OSBP2: variants seen among roughly 807,000 people sequenced by gnomAD.
OSBP2 encodes oxysterol binding protein 2, also known as oxysterol-binding protein 2.
OSBP2 carries 66 observed loss-of-function variants against 96.0 expected under a neutral mutation model. The observed-to-expected ratio is 0.69, with a 90% CI of 0.56 to 0.84. The LOEUF (loss-of-function observed/expected upper bound fraction) is 0.84. Ranked by LOEUF, OSBP2 falls within the 40% of genes least tolerant of loss-of-function variation. The probability of loss-of-function intolerance (pLI) is 0.00; values close to 1 mark genes in which losing one functional copy is unlikely to be tolerated. For missense variants in OSBP2, 1,038 were observed against 1,222.7 expected (o/e 0.85, Z 2.25); for synonymous variants, 525 against 520.9 (o/e 1.01, Z -0.11).
At chr22:30,819,988 T>C (rs982400533) in intron 2 of OSBP2, among the ~76,000 whole-genome samples, 2 of 152,246 alleles carry the variant, frequency 1.3e-5, no homozygotes, top group Admixed American at 1.3e-4. Flanking sequence ...ATACTCATAA[T>C]GCCTGGTTAA....
At chr22:30,751,336 T>G (rs992399787) in intron 2 of OSBP2, among the ~76,000 whole-genome samples, 2 of 151,526 alleles carry the variant, frequency 1.3e-5, no homozygotes, top group Non-Finnish European at 2.9e-5. Flanking sequence ...TGTGTGTATA[T>G]ATATATGTAT....
intron 8 of OSBP2, among the ~76,000 whole-genome samples, chr22:30,891,328 G>A (rs1041145965): frequency 1.7e-4 from 26 of 152,166 alleles, no homozygotes; most frequent in Admixed American, 1.2e-3. Context: ...AGCTGAAGGC[G>A]GCTGGCAGGA....
intron 2 of OSBP2, among the ~76,000 whole-genome samples, chr22:30,816,360 C>A (rs190954295): frequency 2.6e-5 from 4 of 152,090 alleles, no homozygotes; most frequent in Non-Finnish European, 4.4e-5. Context: ...AGGAATCTGT[C>A]GGTGAAAGTA....
chr22:30,783,302 CTTTTTTTTTTTTTTTT>C (rs35470453), intron 2 of OSBP2, among the ~76,000 whole-genome samples: 1 of 34,708 alleles, frequency 2.9e-5, no homozygotes, highest in African/African-American at 1.4e-4. Context: ...ATTCAGAGAG[CTTTTTTTTTTTTTTTT>C]TTTTTTTTTT....
At chr22:30,849,813 CTA>C (rs1027502901) in intron 2 of OSBP2, among the ~76,000 whole-genome samples, 34 of 152,122 alleles carry the variant, frequency 2.2e-4, no homozygotes, top group African/African-American at 7.5e-4. Context: ...AAAGATAGTG[CTA>C]TGTTTTCTTC....
In OSBP2 at chr22:30,695,108, G is replaced by T; in HGVS notation, c.199G>T (p.Glu67Ter). The change falls in exon 1 of 14, where the codon GAA (glutamate) becomes TAA (stop). Residue 67 changes from glutamate to a stop codon, truncating the protein, a stop_gained. Transcript: ENST00000332585. LOFTEE classifies it high-confidence loss of function. ...CGAACCGGAGCGGGGACCGCTGTCA[G>T]AACAGGTGTCGGAGGCAGTTTCGGA... ...VPEPERGPLS[E>*]QVSEAVSEAV... 6.3e-7 allele frequency: 1 copy of T among 1,589,538 alleles called. No individual in the cohort carries two copies.
chr22:30,863,669 T>C (rs1569155569), intron 2 of OSBP2, among the ~76,000 whole-genome samples: 1 of 152,112 alleles, frequency 6.6e-6, no homozygotes, highest in Non-Finnish European at 1.5e-5. Context: ...CAGTCCTGCA[T>C]ACTTGAACTT....
intron 2 of OSBP2, among the ~76,000 whole-genome samples, chr22:30,867,951 T>A (rs1012756587): frequency 3.3e-5 from 5 of 152,218 alleles, no homozygotes; most frequent in Admixed American, 3.3e-4. Flanking sequence ...GGTTATTAGA[T>A]GTACTGAACC....
intron 2 of OSBP2, among the ~76,000 whole-genome samples, chr22:30,796,723 G>A (rs1317278639): frequency 1.3e-5 from 2 of 152,028 alleles, no homozygotes; most frequent in Admixed American, 1.3e-4. Flanking sequence ...GACCAGGTTG[G>A]TCTCGAACTC....
intron 2 of OSBP2, among the ~76,000 whole-genome samples, chr22:30,783,941 G>A (rs1387747153): frequency 2.6e-5 from 4 of 152,188 alleles, no homozygotes; most frequent in African/African-American, 9.6e-5. Context: ...TTGGGACCGT[G>A]TTACTTGAAA....
In OSBP2 at chr22:30,741,296, G is replaced by T. The variant is rs1292959564; in HGVS notation, c.780G>T (p.Val260=). Reference sequence around the variant, plus strand: ...ACCACCTCAAGGCCAGCTCAGAGGTGGACCGGCAGCAGTGGATCACCGCCC... The same window carrying T: ...ACCACCTCAAGGCCAGCTCAGAGGTTGACCGGCAGCAGTGGATCACCGCCC... ...RSYHLKASSE[V]DRQQWITALE... Residue 260 remains valine (V), a synonymous_variant, in exon 2 of 14, where the codon GTG becomes GTT. Transcript: ENST00000332585. 2.5e-6 allele frequency: 4 copies of T among 1,613,826 alleles called. No homozygotes were observed. The African/African-American group carries it at 5.3e-5, about 22-fold the overall frequency.
intron 3 of OSBP2, among the ~76,000 whole-genome samples, chr22:30,879,156 G>A (rs2039647194): frequency 6.6e-6 from 1 of 152,224 alleles, no homozygotes; most frequent in South Asian, 2.1e-4. Flanking sequence ...GGCTCCTTAG[G>A]CCAACCCAGG....
Position 30,887,573 on chromosome 22 carries a change from A to G in OSBP2, c.1255A>G (p.Ser419Gly), listed in dbSNP as rs1324945557. Reference protein sequence around the residue: ...QHNSLERAFHSAPGRPANPSK... With the variant: ...QHNSLERAFHGAPGRPANPSK... Reference sequence around the variant, plus strand: ...CAACAGCCTCGAGCGGGCCTTCCACAGTGCCCCTGGCCGGCCGGCCAACCC... The same window carrying G: ...CAACAGCCTCGAGCGGGCCTTCCACGGTGCCCCTGGCCGGCCGGCCAACCC... The change falls in exon 4 of 14, where the codon AGT becomes GGT. Residue 419 changes from serine (S) to glycine (G), a missense_variant. Physicochemically the swap from Ser to Gly is moderately conservative, Grantham distance 56. Around this residue, in one of 3 missense-constraint regions of OSBP2, gnomAD observed 737 missense variants for 913.3 expected, o/e 0.81. Coordinates refer to ENST00000332585, the MANE Select transcript of OSBP2 (RefSeq NM_030758.4). 2.5e-6 allele frequency: 4 copies of G among 1,612,622 alleles called. No individual in the cohort carries two copies. Among genetic ancestry groups the G allele is most frequent in the Non-Finnish European group, 3.4e-6 (4 of 1,179,714 alleles).
At chr22:30,760,163 C>T (rs934505653) in intron 2 of OSBP2, among the ~76,000 whole-genome samples, 14 of 147,324 alleles carry the variant, frequency 9.5e-5, no homozygotes, top group Non-Finnish European at 1.3e-4. Context: ...CCACTGCACC[C>T]GGCTTTTTTT....
chr22:30,811,164 A>ACCCC (rs136249), intron 2 of OSBP2, among the ~76,000 whole-genome samples: 2 of 136,980 alleles, frequency 1.5e-5, no homozygotes, highest in Non-Finnish European at 3.1e-5. Flanking sequence ...AGTATACACA[A>ACCCC]CCCCCCCCCC....
In OSBP2 at chr22:30,893,823, G is replaced by T; in HGVS notation, c.2197G>T (p.Gly733Ter). The T allele has an allele frequency of 1.9e-6, 3 of 1,594,916 alleles. No homozygotes were observed. The highest frequency in any genetic ancestry group is 2.6e-6 in the Non-Finnish European group (3 of 1,170,438). ...FSKEAARKVT[G>*]VVSDSQGKAH... ...GTCCTGCCAATGTCCACAGGTGACA[G>T]GAGTGGTGAGTGACAGCCAGGGCAA... The change falls in exon 12 of 14, where the codon GGA (glycine) becomes TGA (stop). Residue 733 changes from glycine (G) to a stop codon, truncating the protein, a stop_gained. Transcript: ENST00000332585. LOFTEE classifies it high-confidence loss of function.
intron 8 of OSBP2, among the ~76,000 whole-genome samples, chr22:30,892,084 G>C (rs921695156): frequency 2.6e-5 from 4 of 152,124 alleles, no homozygotes; most frequent in African/African-American, 9.7e-5. Flanking sequence ...TGCGATGGAG[G>C]GAGTGGCCCA....
intron 2 of OSBP2, among the ~76,000 whole-genome samples, chr22:30,801,876 T>C (rs136266): frequency 0.19 from 28,983 of 151,766 alleles, 2,842 homozygotes; most frequent in Middle Eastern, 0.25. Context: ...ATTTAGGAGG[T>C]TGAGGTAGGA....
rs1169475101 is a variant in OSBP2 at position 30,782,354 on chromosome 22, C to T, written c.853+40985C>T. Among the ~76,000 whole-genome samples the T allele has an allele frequency of 2.6e-5, 4 of 152,124 alleles. No homozygotes were observed. In the East Asian group the frequency reaches 5.8e-4, roughly 22 times the overall value. ...CCACTAATCTACTTTCTTGTGTGAT[C>T]GTTTGCATTTTCTAGGATTTCTTTT... On this transcript the variant is annotated intron_variant, in intron 2 of 13. Transcript: ENST00000332585.
Sources: allele counts gnomAD v4.1 joint callset (sites outside exome capture counted in the v4.1 genomes callset), GRCh38; gene constraint gnomAD v4.1.1; regional missense constraint gnomAD v4.1.1; transcripts MANE v1.5; gene names NCBI Gene and HGNC (gene_info 2026-07-23, HGNC 2026-07-21).